Variants in DSCAM observed in about 807,000 individuals in gnomAD.
The protein encoded by DSCAM is cell adhesion molecule DSCAM.
In DSCAM, 47 loss-of-function variants were observed where a neutral mutation model predicts 217.7. The observed-to-expected ratio is 0.22, with a 90% confidence interval of 0.17 to 0.28. DSCAM has a LOEUF of 0.28. Among genes scored for constraint, DSCAM ranks in the 10% least tolerant of loss-of-function variants. DSCAM has a pLI of 1.00. For missense variants in DSCAM, 2,080 were observed against 2,618.3 expected (o/e 0.79, Z 4.49); for synonymous variants, 1,056 against 1,015.3 (o/e 1.04, Z -0.76).
At chr21:40,732,067 A>G (rs2091018310) in intron 1 of DSCAM, among the ~76,000 whole-genome samples, 2 of 151,988 alleles carry the variant, frequency 1.3e-5, no homozygotes, top group African/African-American at 4.8e-5. Context: ...ACATACAATC[A>G]CCTTCTGAGG....
At chr21:40,722,425 T>A (rs2090911430) in intron 1 of DSCAM, among the ~76,000 whole-genome samples, 1 of 152,154 alleles carries the variant, frequency 6.6e-6, no homozygotes, top group Non-Finnish European at 1.5e-5. Flanking sequence ...GTAAGGTCCT[T>A]CTATAAATTA....
At chr21:40,772,138 T>C (rs1236532090) in intron 1 of DSCAM, among the ~76,000 whole-genome samples, 12 of 152,210 alleles carry the variant, frequency 7.9e-5, no homozygotes, top group Non-Finnish European at 1.5e-4. Flanking sequence ...TTAAATGTTT[T>C]GCTAGTAATA....
In DSCAM at chr21:40,214,834, G is replaced by T. The variant is rs1035505662; in HGVS notation, c.2357-25596C>A. On this transcript the variant is annotated intron_variant, in intron 11 of 32. Coordinates refer to ENST00000400454, the MANE Select transcript of DSCAM (RefSeq NM_001389.5). ...AATTAAACAAGAAGATGTAACAATT[G>T]TAAATATATATGCATCAAACTCCAG... is the stretch of plus-strand genomic sequence containing the variant. 1.3e-5 allele frequency among the ~76,000 whole-genome samples: 2 copies of T among 151,316 alleles called. 1 individual carries two copies. Among genetic ancestry groups the T allele is most frequent in the Non-Finnish European group, 2.9e-5 (2 of 67,896 alleles).
At chr21:40,797,120 T>A (rs371548173) in intron 1 of DSCAM, among the ~76,000 whole-genome samples, 79 of 152,300 alleles carry the variant, frequency 5.2e-4, no homozygotes, top group African/African-American at 1.9e-3. Context: ...TTGTCTTCAT[T>A]AAGGACTGTA....
intron 3 of DSCAM, among the ~76,000 whole-genome samples, chr21:40,638,392 CA>C (rs1225054627): frequency 6.6e-6 from 1 of 152,114 alleles, no homozygotes; most frequent in Non-Finnish European, 1.5e-5. Flanking sequence ...TTATTTCTAT[CA>C]AAAATGAATT....
chr21:40,318,458 C>T (rs965180191), intron 8 of DSCAM, among the ~76,000 whole-genome samples: 33 of 152,222 alleles, frequency 2.2e-4, no homozygotes, highest in African/African-American at 7.5e-4. Context: ...GCCTAGGGGC[C>T]GAGGACTTCT....
chr21:40,018,914 A>T (rs2099187856), intron 32 of DSCAM, among the ~76,000 whole-genome samples: 2 of 152,252 alleles, frequency 1.3e-5, no homozygotes, highest in African/African-American at 4.8e-5. Context: ...AAAGCTCTAC[A>T]AAGTTGTGTG....
At chr21:40,764,830 C>G (rs1953567837) in intron 1 of DSCAM, among the ~76,000 whole-genome samples, 1 of 152,080 alleles carries the variant, frequency 6.6e-6, no homozygotes, top group South Asian at 2.1e-4. Context: ...AACCATCATC[C>G]TCAGCAAACT....
chr21:40,388,188 G>T (rs2075103803), intron 3 of DSCAM, among the ~76,000 whole-genome samples: 1 of 152,196 alleles, frequency 6.6e-6, no homozygotes, highest in Admixed American at 6.5e-5. Context: ...TAAAGGATGT[G>T]CTTCCAGAAA....
intron 3 of DSCAM, among the ~76,000 whole-genome samples, chr21:40,655,022 G>C (rs1230423110): frequency 6.6e-6 from 1 of 152,108 alleles, no homozygotes; most frequent in Non-Finnish European, 1.5e-5. Context: ...ATGCGTATTT[G>C]TACTAGGTAA....
At chr21:40,456,967 T>C (rs866059474) in intron 3 of DSCAM, among the ~76,000 whole-genome samples, 2 of 152,164 alleles carry the variant, frequency 1.3e-5, no homozygotes, top group South Asian at 2.1e-4. Context: ...CAGAAATCAA[T>C]TGTAAATCAT....
At chr21:40,730,719 T>C (rs894044964) in intron 1 of DSCAM, among the ~76,000 whole-genome samples, 4 of 151,652 alleles carry the variant, frequency 2.6e-5, no homozygotes, top group African/African-American at 9.7e-5. Context: ...GAGGAGGGGG[T>C]GGGAGCAAGA....
chr21:40,748,201 G>A (rs533263468), intron 1 of DSCAM, among the ~76,000 whole-genome samples: 2 of 152,016 alleles, frequency 1.3e-5, no homozygotes, highest in African/African-American at 4.8e-5. Flanking sequence ...ACATAGCACT[G>A]AAGATTCTGT....
intron 8 of DSCAM, among the ~76,000 whole-genome samples, chr21:40,326,301 G>A (rs528513124): frequency 6.2e-4 from 95 of 152,144 alleles, no homozygotes; most frequent in Non-Finnish European, 1.0e-3. Context: ...AGTGGGACAT[G>A]GGCTGCAACT....
intron 8 of DSCAM, among the ~76,000 whole-genome samples, chr21:40,316,738 G>A (rs1017100600): frequency 3.3e-5 from 5 of 152,054 alleles, no homozygotes; most frequent in Admixed American, 6.6e-5. Context: ...ACATAATGGC[G>A]GGGGTCCTTT....
intron 3 of DSCAM, among the ~76,000 whole-genome samples, chr21:40,390,771 C>G (rs998956478): frequency 6.6e-6 from 1 of 152,144 alleles, no homozygotes; most frequent in African/African-American, 2.4e-5. Flanking sequence ...AAACACCAGT[C>G]ATGTTGGATT....
intron 8 of DSCAM, among the ~76,000 whole-genome samples, chr21:40,327,137 C>T (rs2074326501): frequency 6.6e-6 from 1 of 151,940 alleles, no homozygotes; most frequent in Non-Finnish European, 1.5e-5. Flanking sequence ...ATGTCATTAT[C>T]ACGGCATTAT....
chr21:40,839,773 G>A (rs2092085444), intron 1 of DSCAM, among the ~76,000 whole-genome samples: 1 of 152,024 alleles, frequency 6.6e-6, no homozygotes, highest in African/African-American at 2.4e-5. Flanking sequence ...CTTAAAAACA[G>A]CTTTCTATAA....
chr21:40,129,763 CAT>C (rs750788980), intron 19 of DSCAM, among the ~76,000 whole-genome samples: 103 of 152,296 alleles, frequency 6.8e-4, no homozygotes, highest in Non-Finnish European at 1.2e-3. Flanking sequence ...GCTATGCAAA[CAT>C]AGCATGCAAT....
Sources: gnomAD v4.1 joint callset for allele counts (sites outside exome capture counted in the v4.1 genomes callset) on GRCh38, gnomAD v4.1.1 for gene constraint, MANE v1.5 for transcripts, NCBI Gene and HGNC (gene_info 2026-07-23, HGNC 2026-07-21) for gene names.